A2ML1: variants seen among roughly 807,000 people sequenced by gnomAD.
The protein encoded by A2ML1 is alpha-2-macroglobulin like 1.
In A2ML1, 161 loss-of-function variants were observed where a neutral mutation model predicts 181.9. The observed-to-expected ratio is 0.89, with a 90% CI of 0.78 to 1.01. The LOEUF (loss-of-function observed/expected upper bound fraction) is 1.01. A2ML1 is among the 50% of genes least tolerant of loss of function. The probability of loss-of-function intolerance (pLI) is 0.00; values close to 1 mark genes in which losing one functional copy is unlikely to be tolerated. For synonymous variants in A2ML1, 663 were observed against 666.8 expected (o/e 0.99, Z 0.09); for missense variants, 1,670 against 1,768.1 (o/e 0.94, Z 1.00).
In A2ML1 at chr12:8,847,681, G is replaced by A; in HGVS notation, c.1816G>A (p.Glu606Lys). 6.2e-7 allele frequency: 1 copy of A among 1,612,426 alleles called. No homozygotes were observed. Among genetic ancestry groups the A allele is most frequent in the Non-Finnish European group, 8.5e-7 (1 of 1,179,310 alleles). Residue 606 changes from glutamate to lysine, a missense_variant, in exon 15 of 36, where the codon GAG becomes AAG. Glu to Lys is a moderately conservative substitution (Grantham distance 56, BLOSUM62 1). Coordinates refer to ENST00000299698, the MANE Select transcript of A2ML1 (RefSeq NM_144670.6). ...ESVLLLRPDR[E>K]LSNRSVYGMF... Reference sequence around the variant, plus strand: ...TGTCTTACTGCTTAGGCCAGACAGAGAGCTGAGCAACCGCTCTGTGAGTAA... The same window carrying A: ...TGTCTTACTGCTTAGGCCAGACAGAAAGCTGAGCAACCGCTCTGTGAGTAA...
At chr12:8,866,260 G>A (rs916783858) in intron 29 of A2ML1, among the ~76,000 whole-genome samples, 45 of 123,294 alleles carry the variant, frequency 3.6e-4, no homozygotes, top group African/African-American at 1.4e-3. Context: ...AGCCAAGATC[G>A]CGCCACTGCA....
chr12:8,872,457 C>T (rs1218354974), intron 33 of A2ML1, among the ~76,000 whole-genome samples: 1 of 151,866 alleles, frequency 6.6e-6, no homozygotes, highest in Non-Finnish European at 1.5e-5. Flanking sequence ...AAACTCACTA[C>T]ATCTTAATAT....
intron 18 of A2ML1, 65 bp from the exon 19 acceptor site, chr12:8,851,719 A>T: frequency 1.3e-6 from 2 of 1,512,118 alleles, no homozygotes; most frequent in Non-Finnish European, 1.8e-6. Flanking sequence ...TTTGTGGCTT[A>T]ATTCACAAAT....
At position 8,869,210 on chromosome 12, in the gene A2ML1, A is replaced by G. The variant is rs762945782; in HGVS notation, c.4221+7A>G. 1 of 1,613,922 alleles carries G rather than the reference A, an allele frequency of 6.2e-7. No homozygotes were observed. Among genetic ancestry groups the G allele is most frequent in the South Asian group, 1.1e-5 (1 of 91,076 alleles). On this transcript the variant is annotated splice_region_variant and intron_variant, in intron 33 of 35. Coordinates refer to ENST00000299698, the MANE Select transcript of A2ML1 (RefSeq NM_144670.6). ...TAACATTTACTTGGATGAGGTAGGT[A>G]TTCAGGAACCAGATCAAAGAGCTGG...
intron 18 of A2ML1, among the ~76,000 whole-genome samples, chr12:8,851,544 T>C (rs1943889183): frequency 6.6e-6 from 1 of 152,096 alleles, no homozygotes; most frequent in Non-Finnish European, 1.5e-5. Flanking sequence ...TAGCTGGGAC[T>C]ATAGGCATGC....
rs765609243 is a variant in A2ML1 at position 8,840,685 on chromosome 12, G to A, written c.1081-684G>A. Reference sequence around the variant, plus strand: ...AGCACTTTGGGAGGCTGAGGCGGGCGAATCACGAGGTCAGGAGTTCGAAAC... The same window carrying A: ...AGCACTTTGGGAGGCTGAGGCGGGCAAATCACGAGGTCAGGAGTTCGAAAC... On this transcript the variant is annotated intron_variant, in intron 10 of 35. Coordinates refer to ENST00000299698, the MANE Select transcript of A2ML1 (RefSeq NM_144670.6). Among the ~76,000 whole-genome samples the A allele has an allele frequency of 6.2e-3, 938 of 151,930 alleles. 2 individuals carry two copies. Among genetic ancestry groups the A allele is most frequent in the Non-Finnish European group, 8.1e-3 (552 of 67,966 alleles).
In A2ML1 at chr12:8,845,861, AAAATAAATAAAATAAAATAAAATAAAAT is replaced by A. The variant is rs1435919560; in HGVS notation, c.1538-212_1538-185del. Among the ~76,000 whole-genome samples, 402 of 87,336 alleles carry A rather than the reference AAAATAAATAAAATAAAATAAAATAAAAT, an allele frequency of 4.6e-3. 18 individuals are homozygous for A. The highest frequency in any genetic ancestry group is 0.022 in the African/African-American group (385 of 17,302). 57.3% of individuals were successfully genotyped at this position (87,336 alleles called of 152,430 possible). On this transcript the variant is annotated intron_variant, in intron 13 of 35. Transcript: ENST00000299698. ...CGAGACTCCGTCTCAAAAAAAAAAA[AAAATAAATAAAATAAAATAAAATAAAAT>A]AAAAAAATTCTTATCCACAGAAGTA...
In A2ML1 at chr12:8,863,956, T is replaced by C. The variant is rs753369509; in HGVS notation, c.3665T>C (p.Val1222Ala). 4 of 1,613,022 alleles carry C rather than the reference T, an allele frequency of 2.5e-6. No homozygotes were observed. Among genetic ancestry groups the C allele is most frequent in the East Asian group, 2.2e-5 (1 of 44,878 alleles). The change falls in exon 29 of 36, where the codon GTG becomes GCG. Residue 1222 changes from valine (V) to alanine (A), a missense_variant. Val to Ala is a moderately conservative substitution (Grantham distance 64, BLOSUM62 0). Transcript: ENST00000299698. Reference sequence around the variant, plus strand: ...GAGATAGCGAAGGCCACTAGCATAGTGGCTTGGTTGGCCAAGCAACACAAT... The same window carrying C: ...GAGATAGCGAAGGCCACTAGCATAGCGGCTTGGTTGGCCAAGCAACACAAT... The part of the protein sequence containing the change: ...QKEIAKATSI[V>A]AWLAKQHNAY...
chr12:8,835,150 A>G (rs944955878), intron 5 of A2ML1, among the ~76,000 whole-genome samples: 2 of 152,228 alleles, frequency 1.3e-5, no homozygotes, highest in African/African-American at 2.4e-5. Context: ...CTTACAATCA[A>G]TCTCCTCAGC....
rs959789272 is a variant in A2ML1 at position 8,823,172 on chromosome 12, C to A, written c.63-10C>A. On this transcript the variant is annotated splice_polypyrimidine_tract_variant and intron_variant, in intron 1 of 35. Transcript: ENST00000299698. ...ATTATTGCCCTGAAATCCTTCTGCT[C>A]CTTTAATAGAAACTACCTGGTGACA... The A allele has an allele frequency of 6.2e-7, 1 of 1,612,436 alleles. No individual in the cohort carries two copies. Among genetic ancestry groups the A allele is most frequent in the Non-Finnish European group, 8.5e-7 (1 of 1,179,390 alleles).
intron 21 of A2ML1, 34 bp from the exon 22 acceptor site, chr12:8,854,746 T>G: frequency 6.2e-7 from 1 of 1,611,232 alleles, no homozygotes; most frequent in Non-Finnish European, 8.5e-7. Flanking sequence ...ATGTTCATCT[T>G]TGTTGTTTTT....
At chr12:8,835,481 C>T in intron 5 of A2ML1, 26 bp from the exon 6 acceptor site, 2 of 1,612,748 alleles carry the variant, frequency 1.2e-6, no homozygotes, top group Non-Finnish European at 1.7e-6. Flanking sequence ...CGGGCAGGCA[C>T]ATCATGCAGT....
intron 11 of A2ML1, among the ~76,000 whole-genome samples, chr12:8,842,515 G>A (rs774113890): frequency 7.2e-5 from 11 of 152,218 alleles, no homozygotes; most frequent in South Asian, 4.2e-4. Context: ...CACCGCGCCC[G>A]GCCCCTGTTG....
In A2ML1 at chr12:8,852,123, G is replaced by T; in HGVS notation, c.2464-87G>T. Reference sequence around the variant, plus strand: ...ATTTTCCCTGGGAAAGAGAGGAGATGTCGGCGTCTCAGCCCCCAGGTTTCC... The same window carrying T: ...ATTTTCCCTGGGAAAGAGAGGAGATTTCGGCGTCTCAGCCCCCAGGTTTCC... On this transcript the variant is annotated intron_variant, in intron 19 of 35. Transcript: ENST00000299698. This position sits in a 1 kb window ranked among gnomAD's most constrained non-coding sequence, Gnocchi z 4.2. The T allele has an allele frequency of 6.3e-7, 1 of 1,590,926 alleles. No individual in the cohort carries two copies.
At chr12:8,855,801 A>G (rs1944045254) in intron 23 of A2ML1, among the ~76,000 whole-genome samples, 1 of 152,172 alleles carries the variant, frequency 6.6e-6, no homozygotes, top group Admixed American at 6.5e-5. Flanking sequence ...AAAATGGAAG[A>G]GAGTCAGGGT....
chr12:8,880,129 C>T (rs752104693), downstream of A2ML1, among the ~76,000 whole-genome samples: 15 of 152,150 alleles, frequency 9.9e-5, no homozygotes, highest in African/African-American at 2.4e-4. Flanking sequence ...CTTGGGAGGC[C>T]GAGGCAGGCA....
intron 6 of A2ML1, 102 bp from the exon 7 acceptor site, chr12:8,836,153 A>G: frequency 2.3e-6 from 2 of 873,964 alleles, no homozygotes; most frequent in Non-Finnish European, 3.7e-6. Flanking sequence ...CCTTCATTAG[A>G]TCCATTAATT....
In A2ML1 at chr12:8,868,604, C is replaced by A; in HGVS notation, c.4129C>A (p.Pro1377Thr). 1.2e-6 allele frequency: 2 copies of A among 1,613,820 alleles called. No individual in the cohort carries two copies. Among genetic ancestry groups the A allele is most frequent in the Non-Finnish European group, 1.7e-6 (2 of 1,179,964 alleles). ...AGTGAAGATGCTATCTGGGTTCAGT[C>A]CCATGGAGGGCACCAATCAGTTAGT... Reference protein sequence around the residue: ...VEVKMLSGFSPMEGTNQLLLQ... With the variant: ...VEVKMLSGFSTMEGTNQLLLQ... Residue 1377 changes from proline to threonine, a missense_variant, in exon 32 of 36, where the codon CCC (proline) becomes ACC (threonine). By Grantham distance (38) the Pro-to-Thr change is conservative (BLOSUM62 -1). Coordinates refer to ENST00000299698, the MANE Select transcript of A2ML1 (RefSeq NM_144670.6).
intron 7 of A2ML1, among the ~76,000 whole-genome samples, chr12:8,837,200 AG>A (rs1283358432): frequency 6.6e-6 from 1 of 152,018 alleles, no homozygotes; most frequent in Non-Finnish European, 1.5e-5. Flanking sequence ...TTGTATTTTT[AG>A]TAGAGACAGG....
Sources: gnomAD v4.1 joint callset for allele counts (sites outside exome capture counted in the v4.1 genomes callset) on GRCh38, gnomAD v4.1.1 for gene constraint, Gnocchi (gnomAD v3.1) non-coding constraint, MANE v1.5 for transcripts, NCBI Gene and HGNC (gene_info 2026-07-23, HGNC 2026-07-21) for gene names.